TCF7L2: variants seen among roughly 807,000 people sequenced by gnomAD.
The protein encoded by TCF7L2 is transcription factor 7-like 2.
Under a neutral mutation model 77.9 loss-of-function variants are expected in TCF7L2, and 23 were observed. The observed-to-expected ratio is 0.30, with a 90% CI of 0.21 to 0.42. The LOEUF (loss-of-function observed/expected upper bound fraction) is 0.42. TCF7L2 is among the 10% of genes least tolerant of loss of function. The probability of loss-of-function intolerance (pLI) is 1.00; values close to 1 mark genes in which losing one functional copy is unlikely to be tolerated. For synonymous variants in TCF7L2, 413 were observed against 340.2 expected, an observed-to-expected ratio of 1.21 and a Z score of -2.36; for missense variants, 654 against 793.1, an observed-to-expected ratio of 0.82 and a Z score of 2.11.
chr10:112,994,650 C>G (rs992952207), intron 4 of TCF7L2, among the ~76,000 whole-genome samples: 1 of 152,102 alleles, frequency 6.6e-6, no homozygotes, highest in East Asian at 1.9e-4. Context: ...CTGTGATGTA[C>G]CAGTTGTGTT....
chr10:113,016,956 A>T (rs925921379), intron 4 of TCF7L2, among the ~76,000 whole-genome samples: 2 of 152,050 alleles, frequency 1.3e-5, no homozygotes, highest in African/African-American at 2.4e-5. Context: ...AGGCTCAGAA[A>T]CCCAGAGGAC....
rs1173718412 is a variant in TCF7L2 at position 112,951,703 on chromosome 10, TCCCCCTCCCCG to T, written c.381+99_381+109del. 6.7e-5 allele frequency: 30 copies of T among 445,366 alleles called. No homozygotes were observed. The East Asian group carries it at 8.6e-3, about 128-fold the overall frequency. The allele number at this position is 445,366 out of a possible 1,614,324, so 27.6% of individuals were successfully genotyped here. A position where few individuals can be genotyped will look rare whatever the true frequency, so the allele number is the denominator to read the frequency against. On this transcript the variant is annotated intron_variant, in intron 3 of 13. Coordinates refer to ENST00000627217, the MANE Select transcript of TCF7L2 (RefSeq NM_001146274.2). The stretch of plus-strand genomic sequence containing the variant: ...GCCCCTGCCCTGCCCCCTCCCCGCC[TCCCCCTCCCCG>T]CCTCCTCCCCTCCCTCCCTCCCCTC...
chr10:113,034,702 C>T (rs571816921), intron 4 of TCF7L2, among the ~76,000 whole-genome samples: 2 of 152,108 alleles, frequency 1.3e-5, no homozygotes, highest in South Asian at 4.2e-4. Flanking sequence ...TTGAGACCAG[C>T]CTGACCAACA....
At chr10:112,953,669 A>G (rs2032677779) in intron 3 of TCF7L2, among the ~76,000 whole-genome samples, 1 of 152,214 alleles carries the variant, frequency 6.6e-6, no homozygotes, top group South Asian at 2.1e-4. Flanking sequence ...ATCCCTTCTC[A>G]AACTTGAGCA....
intron 4 of TCF7L2, among the ~76,000 whole-genome samples, chr10:113,029,140 A>G (rs756658834): frequency 6.6e-6 from 1 of 152,182 alleles, no homozygotes; most frequent in Non-Finnish European, 1.5e-5. Flanking sequence ...TTTTAGGTAG[A>G]GAAACTGAGG....
At chr10:113,052,742 G>T (rs561374704) in intron 5 of TCF7L2, among the ~76,000 whole-genome samples, 23 of 152,266 alleles carry the variant, frequency 1.5e-4, no homozygotes, top group Non-Finnish European at 2.6e-4. Context: ...TCATTTTTAT[G>T]CATTCTACCT....
intron 3 of TCF7L2, 48 bp downstream of exon 3, chr10:112,951,655 C>CG: frequency 9.5e-7 from 1 of 1,055,512 alleles, no homozygotes. Flanking sequence ...CCCGCCCGCG[C>CG]CGCCCGCCGG....
At chr10:113,109,936 T>A (rs2062906443) in intron 5 of TCF7L2, among the ~76,000 whole-genome samples, 1 of 152,276 alleles carries the variant, frequency 6.6e-6, no homozygotes. Context: ...TATAATATTT[T>A]ATAGATCTTT....
Position 113,165,920 on chromosome 10 carries a change from T to TTTTTAATGATAC in TCF7L2, c.1757_1758insTTTTAATGATAC (p.Leu586_Ala587insPheAsnAspThr). On this transcript the variant is annotated inframe_insertion, in exon 14 of 14. Transcript: ENST00000627217. ...TCTTCCTTACATTCCCACAGCTCCC[T>TTTTTAATGATAC]GGCCGGGACCCAGCCCCAGCCGCTG... 6.4e-7 allele frequency: 1 copy of TTTTTAATGATAC among 1,572,060 alleles called. No homozygotes were observed. The highest frequency in any genetic ancestry group is 1.9e-5 in the Admixed American group (1 of 53,958).
intron 13 of TCF7L2, among the ~76,000 whole-genome samples, chr10:113,164,905 CA>C (rs1430400155): frequency 2.6e-5 from 4 of 152,208 alleles, no homozygotes; most frequent in South Asian, 2.1e-4. Context: ...TGGGCGCCAG[CA>C]GCCTCATGGT....
intron 5 of TCF7L2, among the ~76,000 whole-genome samples, chr10:113,118,082 A>G (rs910002548): frequency 1.3e-5 from 2 of 151,484 alleles, no homozygotes; most frequent in African/African-American, 4.9e-5. Context: ...CATTTCCAGG[A>G]CTCGCTGGGC....
intron 5 of TCF7L2, among the ~76,000 whole-genome samples, chr10:113,077,372 A>G (rs1218099077): frequency 6.6e-6 from 1 of 152,216 alleles, no homozygotes; most frequent in Non-Finnish European, 1.5e-5. Context: ...TCACCCATTT[A>G]AAGTATATAA....
intron 4 of TCF7L2, among the ~76,000 whole-genome samples, chr10:113,023,078 G>A (rs1414468530): frequency 2.0e-5 from 3 of 152,192 alleles, no homozygotes; most frequent in African/African-American, 4.8e-5. Flanking sequence ...CATTGTGGGG[G>A]CCGAGAAGAG....
intron 5 of TCF7L2, among the ~76,000 whole-genome samples, chr10:113,084,178 A>G (rs1318762168): frequency 6.6e-6 from 1 of 152,232 alleles, no homozygotes; most frequent in Non-Finnish European, 1.5e-5. Flanking sequence ...AGAGATTTGT[A>G]ATAAGGAACT....
At chr10:113,021,024 T>C (rs773094022) in intron 4 of TCF7L2, among the ~76,000 whole-genome samples, 4 of 152,212 alleles carry the variant, frequency 2.6e-5, no homozygotes, top group Non-Finnish European at 4.4e-5. Context: ...CGTTCTCTTC[T>C]GTCTCTAGTA....
chr10:113,100,420 G>T (rs929456958), intron 5 of TCF7L2, among the ~76,000 whole-genome samples: 3 of 152,126 alleles, frequency 2.0e-5, no homozygotes, highest in Non-Finnish European at 4.4e-5. Flanking sequence ...GAATGTGTTT[G>T]CCATTTGATT....
chr10:112,983,864 A>G (rs775941665), intron 4 of TCF7L2, among the ~76,000 whole-genome samples: 11 of 152,212 alleles, frequency 7.2e-5, no homozygotes, highest in South Asian at 2.1e-4. Flanking sequence ...TGAGGAAGCA[A>G]TCAGTTAGTG....
At chr10:113,013,606 A>T (rs189667449) in intron 4 of TCF7L2, among the ~76,000 whole-genome samples, 1 of 152,198 alleles carries the variant, frequency 6.6e-6, no homozygotes, top group Non-Finnish European at 1.5e-5. Context: ...TAAGGAAGAT[A>T]AGCTTTGATT....
chr10:113,135,793 A>G (rs1035650630), intron 5 of TCF7L2, among the ~76,000 whole-genome samples: 2 of 152,230 alleles, frequency 1.3e-5, no homozygotes, highest in African/African-American at 2.4e-5. Flanking sequence ...ATTGTGGCTA[A>G]GGCAGGGAAC....
Sources: allele counts gnomAD v4.1 joint callset (sites outside exome capture counted in the v4.1 genomes callset), GRCh38; gene constraint gnomAD v4.1.1; transcripts MANE v1.5; gene names NCBI Gene and HGNC (gene_info 2026-07-23, HGNC 2026-07-21).